MICU3: variants seen among roughly 807,000 people sequenced by gnomAD.
The protein encoded by MICU3 is mitochondrial calcium uptake 3.
MICU3 carries 62 observed loss-of-function variants against 66.5 expected under a neutral mutation model. The observed-to-expected ratio is 0.93, with a 90% CI of 0.76 to 1.15. The LOEUF (loss-of-function observed/expected upper bound fraction) is 1.15. Ranked by LOEUF, MICU3 falls within the 50% of genes most tolerant of loss-of-function variation. The pLI is 0.00. For synonymous variants in MICU3, 308 were observed against 240.7 expected (o/e 1.28, Z -2.59); for missense variants, 779 against 664.4 (o/e 1.17, Z -1.90).
rs747235012 is a variant in MICU3 at position 17,027,285 on chromosome 8, T to A, written c.6T>A (p.Ala2=). ...TGGTGTGGGCGGCCTCCGCTATGGC[T>A]GCGCTGCGAAGGCTCTTGTGGCCGC... M[A]ALRRLLWPPP... is the part of the protein sequence containing the mutation. Residue 2 remains alanine, a synonymous_variant, in exon 1 of 15, where the codon GCT becomes GCA. Transcript: ENST00000318063. 6.3e-6 allele frequency: 8 copies of A among 1,262,486 alleles called. No homozygotes were observed. In the African/African-American group the frequency reaches 1.4e-4, roughly 22 times the overall value. 78.2% of individuals were successfully genotyped at this position (1,262,486 alleles called of 1,614,324 possible).
chr8:17,067,528 C>G (rs1466408983), intron 2 of MICU3, among the ~76,000 whole-genome samples: 4 of 151,890 alleles, frequency 2.6e-5, no homozygotes, highest in Non-Finnish European at 5.9e-5. Context: ...TTCCTGGGTT[C>G]AAGTGATTCT....
At chr8:17,107,669 T>C (rs1801854375) in intron 11 of MICU3, among the ~76,000 whole-genome samples, 1 of 152,166 alleles carries the variant, frequency 6.6e-6, no homozygotes, top group South Asian at 2.1e-4. Context: ...GTTTTTACAC[T>C]ATAATGGTAA....
At chr8:17,063,816 A>G (rs1274748852) in intron 1 of MICU3, among the ~76,000 whole-genome samples, 4 of 152,196 alleles carry the variant, frequency 2.6e-5, no homozygotes, top group Non-Finnish European at 2.9e-5. Flanking sequence ...TTAAGAAATA[A>G]ACCAAAAAAA....
chr8:17,103,703 A>G (rs1801481667), intron 9 of MICU3, among the ~76,000 whole-genome samples: 1 of 151,938 alleles, frequency 6.6e-6, no homozygotes, highest in Non-Finnish European at 1.5e-5. Flanking sequence ...CAGTTTTAAG[A>G]AAATACTTAG....
intron 2 of MICU3, among the ~76,000 whole-genome samples, chr8:17,064,767 A>T (rs1288891526): frequency 6.6e-6 from 1 of 152,066 alleles, no homozygotes; most frequent in Non-Finnish European, 1.5e-5. Context: ...TTTTTATTTG[A>T]TCTGTTATAA....
chr8:17,049,138 T>C (rs1193885491), intron 1 of MICU3, among the ~76,000 whole-genome samples: 1 of 152,202 alleles, frequency 6.6e-6, no homozygotes, highest in Non-Finnish European at 1.5e-5. Flanking sequence ...TGAGACTAAA[T>C]TTCTAAACAA....
At position 17,043,234 on chromosome 8, in the gene MICU3, C is replaced by T. The variant is rs571154177; in HGVS notation, c.381+15574C>T. 1.2e-4 allele frequency among the ~76,000 whole-genome samples: 18 copies of T among 152,180 alleles called. No individual in the cohort carries two copies. In the South Asian group the frequency reaches 1.7e-3, roughly 14 times the overall value. On this transcript the variant is annotated intron_variant, in intron 1 of 14. Coordinates refer to ENST00000318063, the MANE Select transcript of MICU3 (RefSeq NM_181723.3). ...GATTACAGGCGTGAGCCACCGCGCC[C>T]GGCCTCAAAGTGATTTTTTTAACTG...
chr8:17,079,745 C>T (rs886975618), intron 4 of MICU3, among the ~76,000 whole-genome samples: 15 of 151,906 alleles, frequency 9.9e-5, no homozygotes, highest in African/African-American at 3.4e-4. Flanking sequence ...CCTCTTGCCT[C>T]GGCCTCCCAA....
intron 1 of MICU3, among the ~76,000 whole-genome samples, chr8:17,032,558 C>T (rs1812270989): frequency 6.6e-6 from 1 of 152,156 alleles, no homozygotes; most frequent in Admixed American, 6.5e-5. Flanking sequence ...TCTTTCATAT[C>T]TGTAATAATT....
chr8:17,076,121 G>A (rs1448137400), intron 3 of MICU3, among the ~76,000 whole-genome samples: 5 of 151,846 alleles, frequency 3.3e-5, no homozygotes, highest in African/African-American at 7.3e-5. Context: ...CGACTTCCTG[G>A]GCTCAAGTGA....
At chr8:17,060,237 A>G (rs941466736) in intron 1 of MICU3, among the ~76,000 whole-genome samples, 5 of 152,136 alleles carry the variant, frequency 3.3e-5, no homozygotes, top group East Asian at 1.9e-4. Flanking sequence ...CTAGTTGATA[A>G]TAAGTAGACT....
chr8:17,094,089 AC>A (rs2150774326), intron 8 of MICU3, among the ~76,000 whole-genome samples: 1 of 152,078 alleles, frequency 6.6e-6, no homozygotes, highest in African/African-American at 2.4e-5. Context: ...TGGTTTTACC[AC>A]CTACTTATGC....
chr8:17,131,589 G>A, the MICU3 span: 6 of 152,336 alleles, frequency 3.9e-5, no homozygotes, highest in African/African-American at 1.4e-4. Flanking sequence ...GACTTGGTTT[G>A]GTGTGCAGGC....
At chr8:17,128,684 G>A in the MICU3 span, among the ~76,000 whole-genome samples, 1 of 152,148 alleles carries the variant, frequency 6.6e-6, no homozygotes, top group African/African-American at 2.4e-5. Context: ...AAAACTATGT[G>A]GTGGAACTCT....
intron 1 of MICU3, among the ~76,000 whole-genome samples, chr8:17,056,624 A>C (rs1816973133): frequency 6.6e-6 from 1 of 152,232 alleles, no homozygotes; most frequent in South Asian, 2.1e-4. Context: ...TGTAATAGGG[A>C]TATATAAAGG....
chr8:17,058,102 G>T (rs890801936), intron 1 of MICU3, among the ~76,000 whole-genome samples: 2 of 152,010 alleles, frequency 1.3e-5, no homozygotes. Context: ...CACCCGCCTC[G>T]GCCTCCAAAA....
intron 2 of MICU3, among the ~76,000 whole-genome samples, chr8:17,068,807 C>T (rs1819102284): frequency 6.6e-6 from 1 of 151,890 alleles, no homozygotes; most frequent in African/African-American, 2.4e-5. Context: ...AGAAATAGCC[C>T]CATTGCCAGG....
At position 17,120,509 on chromosome 8, in the gene MICU3, C is replaced by T. The variant is rs1803118552; in HGVS notation, c.*222C>T. 6.6e-6 allele frequency: 1 copy of T among 152,012 alleles called. No homozygotes were observed. The highest frequency in any genetic ancestry group is 6.6e-5 in the Admixed American group (1 of 15,250). 9.4% of individuals were successfully genotyped at this position (152,012 alleles called of 1,614,324 possible). A position where few individuals can be genotyped will look rare whatever the true frequency, so the allele number is the denominator to read the frequency against. ...GTTATATATATAAAATCAAGTTGAG[C>T]TTTGCCTTGATTTGCTGAACTCTCT... On this transcript the variant is annotated 3_prime_UTR_variant, in exon 15 of 15. Coordinates refer to ENST00000318063, the MANE Select transcript of MICU3 (RefSeq NM_181723.3).
intron 1 of MICU3, among the ~76,000 whole-genome samples, chr8:17,060,739 G>A: frequency 6.6e-6 from 1 of 151,990 alleles, no homozygotes; most frequent in African/African-American, 2.4e-5. Flanking sequence ...GTACTGGGAA[G>A]CCCTTTTAAG....
Sources: gnomAD v4.1 joint callset for allele counts (sites outside exome capture counted in the v4.1 genomes callset) on GRCh38, gnomAD v4.1.1 for gene constraint, MANE v1.5 for transcripts, NCBI Gene and HGNC (gene_info 2026-07-23, HGNC 2026-07-21) for gene names.